Variants in TAB2 observed in about 807,000 individuals in gnomAD.
The protein encoded by TAB2 is TGF-beta activated kinase 1 (MAP3K7) binding protein 2, also known as TGF-beta-activated kinase 1 and MAP3K7-binding protein 2.
In TAB2, 3 loss-of-function variants were observed where a neutral mutation model predicts 65.0. That is an observed-to-expected ratio of 0.05 (90% CI 0.02 to 0.12). The LOEUF is 0.12. Ranked by LOEUF, TAB2 falls within the 10% of genes least tolerant of loss-of-function variation. The pLI, the probability that TAB2 is intolerant of heterozygous loss-of-function variation, is 1.00. For missense variants in TAB2, 623 were observed against 840.3 expected, an observed-to-expected ratio of 0.74 and a Z score of 3.20; for synonymous variants, 298 against 285.1, an observed-to-expected ratio of 1.05 and a Z score of -0.46.
intron 1 of TAB2, among the ~76,000 whole-genome samples, chr6:149,308,359 T>C (rs1265476378): frequency 1.3e-5 from 2 of 152,156 alleles, no homozygotes; most frequent in African/African-American, 4.8e-5. Context: ...ATGCCAACAC[T>C]GGAGTTTGGC....
At chr6:149,229,973 T>C (rs886213487) in intron 1 of TAB2, 4 of 152,206 alleles carry the variant, frequency 2.6e-5, no homozygotes, top group Non-Finnish European at 5.9e-5. Context: ...GGAAATATAT[T>C]TGAACACCTC....
chr6:149,320,238 G>A (rs1019141551), intron 1 of TAB2, among the ~76,000 whole-genome samples: 2 of 152,040 alleles, frequency 1.3e-5, no homozygotes, highest in Non-Finnish European at 2.9e-5. Context: ...CACCACGCCC[G>A]GCTAATTTTT....
chr6:149,224,228 C>A (rs1777219133), intron 1 of TAB2, among the ~76,000 whole-genome samples: 1 of 152,144 alleles, frequency 6.6e-6, no homozygotes, highest in South Asian at 2.1e-4. Flanking sequence ...ATCATGTATT[C>A]CTGGCACACA....
intron 1 of TAB2, among the ~76,000 whole-genome samples, chr6:149,300,284 A>T (rs2114702576): frequency 6.6e-6 from 1 of 152,338 alleles, no homozygotes; most frequent in East Asian, 1.9e-4. Context: ...TGATTCTAAT[A>T]AAAGTAAGAA....
At chr6:149,397,895 G>A (rs1247410825) in intron 4 of TAB2, 74 bp from the exon 5 acceptor site, 1 of 1,577,916 alleles carries the variant, frequency 6.3e-7, no homozygotes, top group Non-Finnish European at 8.7e-7. Flanking sequence ...ACTTTCTTGT[G>A]CCAAACTCCA....
At chr6:149,305,216 T>C (rs2114706759) in intron 1 of TAB2, among the ~76,000 whole-genome samples, 1 of 152,368 alleles carries the variant, frequency 6.6e-6, no homozygotes, top group South Asian at 2.1e-4. Flanking sequence ...TGTTTTGTCA[T>C]GGATAGAATG....
At chr6:149,347,475 T>G (rs1019839927) in intron 1 of TAB2, among the ~76,000 whole-genome samples, 5 of 152,188 alleles carry the variant, frequency 3.3e-5, no homozygotes, top group African/African-American at 1.2e-4. Context: ...CCTTTAAATT[T>G]TAAATCACTC....
At chr6:149,266,922 T>A (rs1216429458) in intron 1 of TAB2, among the ~76,000 whole-genome samples, 1 of 152,122 alleles carries the variant, frequency 6.6e-6, no homozygotes, top group Admixed American at 6.5e-5. Context: ...AACACCCCAG[T>A]TTCATGAATG....
intron 6 of TAB2, among the ~76,000 whole-genome samples, chr6:149,409,332 G>A (rs1782766212): frequency 6.6e-6 from 1 of 152,082 alleles, no homozygotes; most frequent in Non-Finnish European, 1.5e-5. Flanking sequence ...AGGTAATGAT[G>A]CTGTTTTCTC....
At chr6:149,321,413 C>T (rs1484961763) in intron 1 of TAB2, 1 of 152,130 alleles carries the variant, frequency 6.6e-6, no homozygotes, top group Non-Finnish European at 1.5e-5. Flanking sequence ...AGGAGTTATA[C>T]TTTTTATGTT....
intron 1 of TAB2, among the ~76,000 whole-genome samples, chr6:149,254,544 C>T (rs1777965872): frequency 6.6e-6 from 1 of 152,034 alleles, no homozygotes; most frequent in African/African-American, 2.4e-5. Flanking sequence ...GCATAAGGCT[C>T]ATGGTCATGA....
chr6:149,316,675 G>A (rs559848), upstream of TAB2, among the ~76,000 whole-genome samples: 134,368 of 152,064 alleles, frequency 0.88, 59,360 homozygotes, highest in Middle Eastern at 0.95. Context: ...ATTTAAGGAG[G>A]TAGAAACTTG....
chr6:149,303,582 ATAAT>A (rs1325298404), intron 1 of TAB2, among the ~76,000 whole-genome samples: 1 of 152,234 alleles, frequency 6.6e-6, no homozygotes, highest in Non-Finnish European at 1.5e-5. Flanking sequence ...TCTTGATAGA[ATAAT>A]TATAGGTAAT....
chr6:149,261,806 A>C (rs6914750), intron 1 of TAB2, among the ~76,000 whole-genome samples: 25,730 of 152,266 alleles, frequency 0.17, 2,289 homozygotes, highest in Admixed American at 0.23. Context: ...AAAATAACTT[A>C]TAATCAACTA....
At chr6:149,354,176 C>T (rs1158806327) in intron 1 of TAB2, among the ~76,000 whole-genome samples, 1 of 152,186 alleles carries the variant, frequency 6.6e-6, no homozygotes, top group Non-Finnish European at 1.5e-5. Flanking sequence ...TGAACACAAA[C>T]ACCTGCTTAC....
At chr6:149,325,004 G>A (rs561495385) in intron 1 of TAB2, among the ~76,000 whole-genome samples, 1 of 151,888 alleles carries the variant, frequency 6.6e-6, no homozygotes, top group Non-Finnish European at 1.5e-5. Context: ...TCCCTTTGTT[G>A]CCCAGGCTAG....
chr6:149,287,276 T>C (rs1319003047), intron 1 of TAB2, among the ~76,000 whole-genome samples: 1 of 152,242 alleles, frequency 6.6e-6, no homozygotes, highest in African/African-American at 2.4e-5. Context: ...GTTTATGTTT[T>C]TCTACATTGA....
chr6:149,339,625 C>CG (rs1394354332), intron 1 of TAB2, among the ~76,000 whole-genome samples: 1 of 129,006 alleles, frequency 7.8e-6, no homozygotes, highest in African/African-American at 3.0e-5. Flanking sequence ...TTTTTTGAGA[C>CG]GGAGTCTCTG....
rs561722378 is a variant in TAB2 at position 149,384,962 on chromosome 6, A to G, written c.1603+5444A>G. Among the ~76,000 whole-genome samples the G allele has an allele frequency of 2.6e-5, 4 of 152,278 alleles. No homozygotes were observed. The South Asian group carries it at 8.3e-4, about 32-fold the overall frequency. The stretch of plus-strand genomic sequence containing the variant: ...AAACTTTTTATTATTTAAAGAAAAA[A>G]AATTACATATATAAAATGATAAATA... On this transcript the variant is annotated intron_variant, in intron 3 of 6. Transcript: ENST00000637181.
Sources: allele counts gnomAD v4.1 joint callset (sites outside exome capture counted in the v4.1 genomes callset), GRCh38; gene constraint gnomAD v4.1.1; transcripts MANE v1.5; gene names NCBI Gene and HGNC (gene_info 2026-07-23, HGNC 2026-07-21).